BBS9: variants seen among roughly 807,000 people sequenced by gnomAD.
BBS9 encodes protein PTHB1.
A neutral mutation model predicts 117.7 loss-of-function variants in BBS9; 89 were observed. The observed-to-expected ratio is 0.76, with a 90% CI of 0.64 to 0.90. The LOEUF (loss-of-function observed/expected upper bound fraction) is 0.90, where lower values mean the gene tolerates loss of function less well. Ranked by LOEUF, BBS9 falls within the 40% of genes least tolerant of loss-of-function variation. The probability of loss-of-function intolerance (pLI) is 0.00; values close to 1 mark genes in which losing one functional copy is unlikely to be tolerated. For missense variants in BBS9, 982 were observed against 1,042.2 expected, an observed-to-expected ratio of 0.94 and a Z score of 0.80; for synonymous variants, 379 against 370.9, an observed-to-expected ratio of 1.02 and a Z score of -0.25.
chr7:33,242,812 A>G (rs369374435), intron 5 of BBS9, among the ~76,000 whole-genome samples: 2 of 152,194 alleles, frequency 1.3e-5, no homozygotes, highest in East Asian at 3.8e-4. Flanking sequence ...GACCATGTTA[A>G]ATTTGGAATC....
intron 19 of BBS9, among the ~76,000 whole-genome samples, chr7:33,408,516 C>G (rs1352240017): frequency 1.3e-5 from 2 of 152,194 alleles, no homozygotes; most frequent in African/African-American, 4.8e-5. Flanking sequence ...GCAGAAATCA[C>G]CTGTCTTCTG....
chr7:33,186,123 CT>C (rs1184543223), intron 5 of BBS9, among the ~76,000 whole-genome samples: 1 of 152,198 alleles, frequency 6.6e-6, no homozygotes, highest in African/African-American at 2.4e-5. Flanking sequence ...GCTTCTCAAA[CT>C]TTTAACTTTT....
intron 19 of BBS9, among the ~76,000 whole-genome samples, chr7:33,467,096 A>G (rs555254676): frequency 2.0e-5 from 3 of 152,112 alleles, no homozygotes; most frequent in Non-Finnish European, 4.4e-5. Flanking sequence ...GTTGATCTTT[A>G]AAGAGAATAT....
intron 5 of BBS9, among the ~76,000 whole-genome samples, chr7:33,235,732 A>T (rs1427309171): frequency 6.6e-6 from 1 of 152,202 alleles, no homozygotes; most frequent in Admixed American, 6.5e-5. Context: ...TGCACTAAAG[A>T]TTCAAAGTCA....
chr7:33,388,274 A>C, intron 19 of BBS9, 130 bp downstream of exon 19: 1 of 1,151,776 alleles, frequency 8.7e-7, no homozygotes, highest in Non-Finnish European at 1.3e-6. Flanking sequence ...AACAGTGCAC[A>C]AGCTTTAGAG....
At position 33,146,352 on chromosome 7, in the gene BBS9, G is replaced by A; in HGVS notation, c.100G>A (p.Gly34Arg). Residue 34 changes from glycine to arginine, a missense_variant, in exon 2 of 23, where the codon GGA becomes AGA. Transcript: ENST00000242067. The stretch of plus-strand genomic sequence containing the variant: ...GTGTCTGGCTAATGTTGACAATAGT[G>A]GAAATGGACAAGGTAAGCAACTTAC... Reference protein sequence around the residue: ...CLCLANVDNSGNGQDKIIVGS... With the variant: ...CLCLANVDNSRNGQDKIIVGS... The A allele has an allele frequency of 6.2e-7, 1 of 1,613,180 alleles. No homozygotes were observed.
chr7:33,557,394 T>C (rs1384884100), intron 21 of BBS9, among the ~76,000 whole-genome samples: 1 of 152,226 alleles, frequency 6.6e-6, no homozygotes, highest in African/African-American at 2.4e-5. Flanking sequence ...TTCTTTATTG[T>C]AGTAATACAT....
intron 19 of BBS9, among the ~76,000 whole-genome samples, chr7:33,461,361 A>G (rs954477470): frequency 1.3e-5 from 2 of 152,066 alleles, no homozygotes; most frequent in Non-Finnish European, 2.9e-5. Flanking sequence ...CTTTATGTTC[A>G]TTATCAAAAT....
intron 11 of BBS9, among the ~76,000 whole-genome samples, chr7:33,341,218 A>G (rs1328992188): frequency 6.6e-6 from 1 of 152,092 alleles, no homozygotes; most frequent in African/African-American, 2.4e-5. Flanking sequence ...GAGCAGTAGG[A>G]GGGCTTCTTG....
chr7:33,476,923 T>C (rs1563228482), intron 19 of BBS9, among the ~76,000 whole-genome samples: 1 of 152,222 alleles, frequency 6.6e-6, no homozygotes, highest in Admixed American at 6.5e-5. Context: ...ATCTTGTTAG[T>C]GTCTGATTCC....
chr7:33,355,457 T>A (rs551026316), intron 15 of BBS9, among the ~76,000 whole-genome samples: 7 of 152,106 alleles, frequency 4.6e-5, no homozygotes, highest in African/African-American at 1.7e-4. Flanking sequence ...CTGGTTTTTT[T>A]AAAGGATTTC....
chr7:33,545,154 C>A (rs866641010), intron 21 of BBS9, among the ~76,000 whole-genome samples: 22 of 152,204 alleles, frequency 1.4e-4, no homozygotes, highest in Admixed American at 2.6e-4. Flanking sequence ...TTTAGTTCTT[C>A]CTCTGCCTGT....
intron 19 of BBS9, among the ~76,000 whole-genome samples, chr7:33,434,583 T>C (rs1297463275): frequency 1.3e-5 from 2 of 152,142 alleles, no homozygotes; most frequent in African/African-American, 4.8e-5. Flanking sequence ...ACAACAGTTC[T>C]GTAAGTCTGC....
Position 33,349,330 on chromosome 7 carries a change from T to G in BBS9, c.1432+160T>G, listed in dbSNP as rs760172569. The stretch of plus-strand genomic sequence containing the variant: ...TTTGCTTATATTTTCCCTCTTAGCA[T>G]CAGCATGAACGTTCAATCAATGATT... On this transcript the variant is annotated intron_variant, in intron 13 of 22. Transcript: ENST00000242067. 7.5e-6 allele frequency: 5 copies of G among 670,706 alleles called. No homozygotes were observed. In the African/African-American group the frequency reaches 8.9e-5, roughly 12 times the overall value. The allele number at this position is 670,706 out of a possible 1,614,324, so 41.5% of individuals were successfully genotyped here. A position where few individuals can be genotyped will look rare whatever the true frequency, so the allele number is the denominator to read the frequency against.
chr7:33,241,022 G>A (rs1348716335), intron 5 of BBS9, among the ~76,000 whole-genome samples: 2 of 152,056 alleles, frequency 1.3e-5, no homozygotes, highest in African/African-American at 2.4e-5. Context: ...CAACCATTAC[G>A]AGGGAAAAGA....
At chr7:33,505,074 A>G (rs1048964034) in intron 19 of BBS9, among the ~76,000 whole-genome samples, 3 of 152,348 alleles carry the variant, frequency 2.0e-5, no homozygotes, top group African/African-American at 7.2e-5. Context: ...GGCAAATGCA[A>G]TTATTCTTCT....
chr7:33,462,851 A>G (rs1839663684), intron 19 of BBS9, among the ~76,000 whole-genome samples: 1 of 152,110 alleles, frequency 6.6e-6, no homozygotes, highest in African/African-American at 2.4e-5. Flanking sequence ...CTCAAGAAGC[A>G]GTCATGAAGC....
intron 21 of BBS9, among the ~76,000 whole-genome samples, chr7:33,542,691 T>TTA (rs780848680): frequency 0.053 from 5,377 of 101,066 alleles, 180 homozygotes; most frequent in African/African-American, 0.11. Flanking sequence ...TAGTATTCCA[T>TTA]TATATATATG....
At chr7:33,341,598 A>C (rs563790856) in intron 11 of BBS9, among the ~76,000 whole-genome samples, 1 of 150,800 alleles carries the variant, frequency 6.6e-6, no homozygotes, top group Non-Finnish European at 1.5e-5. Context: ...TATGATTGTC[A>C]TTATCATCAA....
Sources: allele counts gnomAD v4.1 joint callset (sites outside exome capture counted in the v4.1 genomes callset), GRCh38; gene constraint gnomAD v4.1.1; transcripts MANE v1.5; gene names NCBI Gene and HGNC (gene_info 2026-07-23, HGNC 2026-07-21).